Variants in MAPKAP1 observed in about 807,000 individuals in gnomAD.
MAPKAP1 encodes the protein target of rapamycin complex 2 subunit MAPKAP1.
A neutral mutation model predicts 65.7 loss-of-function variants in MAPKAP1; 20 were observed. The observed-to-expected ratio is 0.30, with a 90% CI of 0.21 to 0.44. The LOEUF is 0.44. Ranked by LOEUF, MAPKAP1 falls within the 20% of genes least tolerant of loss-of-function variation. MAPKAP1 has a pLI of 1.00. For synonymous variants in MAPKAP1, 222 were observed against 244.3 expected, an observed-to-expected ratio of 0.91 and a Z score of 0.85; for missense variants, 423 against 648.0, an observed-to-expected ratio of 0.65 and a Z score of 3.77.
intron 9 of MAPKAP1, among the ~76,000 whole-genome samples, chr9:125,481,749 C>T (rs1183905987): frequency 6.6e-6 from 1 of 151,996 alleles, no homozygotes; most frequent in Non-Finnish European, 1.5e-5. Context: ...AAAAGTAGGC[C>T]CATTCAGAAA....
At chr9:125,678,924 G>A (rs1199991713) in intron 1 of MAPKAP1, among the ~76,000 whole-genome samples, 1 of 151,922 alleles carries the variant, frequency 6.6e-6, no homozygotes, top group East Asian at 1.9e-4. Flanking sequence ...TCAAATTCAA[G>A]AGCTTGGGAT....
At chr9:125,477,003 A>G (rs1046319798) in intron 9 of MAPKAP1, among the ~76,000 whole-genome samples, 6 of 152,188 alleles carry the variant, frequency 3.9e-5, no homozygotes, top group African/African-American at 1.4e-4. Context: ...TCTCTAGGAC[A>G]TGTGGTATTG....
chr9:125,511,457 G>T (rs1222828748), intron 7 of MAPKAP1, among the ~76,000 whole-genome samples: 1 of 152,150 alleles, frequency 6.6e-6, no homozygotes, highest in African/African-American at 2.4e-5. Flanking sequence ...ACCTAGGACT[G>T]CCCAGGCCTG....
intron 10 of MAPKAP1, among the ~76,000 whole-genome samples, chr9:125,452,196 T>C (rs912560164): frequency 6.6e-6 from 1 of 151,848 alleles, no homozygotes; most frequent in Non-Finnish European, 1.5e-5. Context: ...TCTCCTGAGT[T>C]TGAGTGATCC....
At chr9:125,588,072 C>G (rs1464720714) in intron 4 of MAPKAP1, among the ~76,000 whole-genome samples, 1 of 152,168 alleles carries the variant, frequency 6.6e-6, no homozygotes, top group Non-Finnish European at 1.5e-5. Flanking sequence ...TAGGTATATA[C>G]TCTAGAGAAC....
chr9:125,499,044 A>C (rs1186668113), intron 8 of MAPKAP1, among the ~76,000 whole-genome samples: 1 of 152,206 alleles, frequency 6.6e-6, no homozygotes, highest in Non-Finnish European at 1.5e-5. Context: ...GAGCTTACTG[A>C]ATCCTATCAA....
At position 125,515,375 on chromosome 9, in the gene MAPKAP1, A is replaced by G. The variant is rs150896373; in HGVS notation, c.959-8958T>C. Reference sequence around the variant, plus strand: ...TAGAAAAAGGCCCATTCCAACTTTTATCTTTGCTACAAAGTGCTGTTATCT... The same window carrying G: ...TAGAAAAAGGCCCATTCCAACTTTTGTCTTTGCTACAAAGTGCTGTTATCT... On this transcript the variant is annotated intron_variant, in intron 7 of 11. Coordinates refer to ENST00000265960, the MANE Select transcript of MAPKAP1 (RefSeq NM_001006617.3). Among the ~76,000 whole-genome samples the G allele has an allele frequency of 3.5e-3, 527 of 152,306 alleles. 2 individuals carry two copies. Among genetic ancestry groups the G allele is most frequent in the African/African-American group, 0.012 (504 of 41,582 alleles).
In MAPKAP1 at chr9:125,698,311, ATAT is replaced by A. The variant is rs1422751336; in HGVS notation, c.-70+8657_-70+8659del. 4.1e-3 allele frequency among the ~76,000 whole-genome samples: 217 copies of A among 52,456 alleles called. 5 individuals carry two copies. The highest frequency in any genetic ancestry group is 6.9e-3 in the South Asian group (11 of 1,584). 34.4% of individuals were successfully genotyped at this position (52,456 alleles called of 152,430 possible). ...TAAATATATATATATATATATATAT[ATAT>A]ATATATATATATATATATATATAAA... On this transcript the variant is annotated intron_variant, in intron 1 of 11. Transcript: ENST00000265960.
At chr9:125,523,617 A>C (rs551034825) in intron 7 of MAPKAP1, among the ~76,000 whole-genome samples, 1 of 152,352 alleles carries the variant, frequency 6.6e-6, no homozygotes, top group Admixed American at 6.5e-5. Flanking sequence ...AGCTGTTACG[A>C]TGCTAGAGAA....
At chr9:125,641,588 G>A (rs954580445) in intron 4 of MAPKAP1, among the ~76,000 whole-genome samples, 1 of 151,978 alleles carries the variant, frequency 6.6e-6, no homozygotes, top group Non-Finnish European at 1.5e-5. Context: ...TCATGTTAGG[G>A]AGAAAAAAAA....
chr9:125,499,424 A>G (rs1441449057), intron 8 of MAPKAP1, among the ~76,000 whole-genome samples: 2 of 152,204 alleles, frequency 1.3e-5, no homozygotes, highest in African/African-American at 4.8e-5. Flanking sequence ...ATTTACTTCC[A>G]TTTTACAAAG....
chr9:125,589,386 C>T (rs952039147), intron 4 of MAPKAP1, among the ~76,000 whole-genome samples: 7 of 152,216 alleles, frequency 4.6e-5, no homozygotes, highest in African/African-American at 1.7e-4. Context: ...CTGTTCCATA[C>T]ATAATGCCTG....
chr9:125,672,296 G>C lies in MAPKAP1; in HGVS notation c.259+20C>G, dbSNP rs1834519779. 6.2e-7 allele frequency: 1 copy of C among 1,612,610 alleles called. No homozygotes were observed. On this transcript the variant is annotated intron_variant, in intron 2 of 11. Transcript: ENST00000265960. Reference sequence around the variant, plus strand: ...TACTGATTTAAAGCTCAGAAGACATGACTAGAACACAATGTTTACCTGTGT... The same window carrying C: ...TACTGATTTAAAGCTCAGAAGACATCACTAGAACACAATGTTTACCTGTGT...
chr9:125,683,691 A>G (rs943266774), intron 1 of MAPKAP1, among the ~76,000 whole-genome samples: 12 of 152,248 alleles, frequency 7.9e-5, no homozygotes, highest in Non-Finnish European at 1.5e-4. Context: ...GAGCATGAAC[A>G]CAAAACTCAG....
intron 9 of MAPKAP1, among the ~76,000 whole-genome samples, chr9:125,477,746 G>A (rs371469323): frequency 5.3e-5 from 8 of 152,216 alleles, no homozygotes; most frequent in Non-Finnish European, 7.4e-5. Flanking sequence ...CGCTTGACCC[G>A]TTCTGTTTCA....
At chr9:125,574,389 A>T (rs764588002) in intron 5 of MAPKAP1, among the ~76,000 whole-genome samples, 1 of 152,230 alleles carries the variant, frequency 6.6e-6, no homozygotes, top group Non-Finnish European at 1.5e-5. Flanking sequence ...ATGCCTTAGG[A>T]TATATGGGAG....
At chr9:125,508,536 G>C (rs1414632927) in intron 7 of MAPKAP1, among the ~76,000 whole-genome samples, 1 of 152,174 alleles carries the variant, frequency 6.6e-6, no homozygotes, top group Non-Finnish European at 1.5e-5. Flanking sequence ...TGAAATCTGG[G>C]TATAAAGTTT....
chr9:125,525,843 A>C (rs1829749980), intron 7 of MAPKAP1, among the ~76,000 whole-genome samples: 1 of 152,184 alleles, frequency 6.6e-6, no homozygotes, highest in Non-Finnish European at 1.5e-5. Flanking sequence ...ATTTTATTGA[A>C]GAGGAGACTA....
At chr9:125,456,292 A>G (rs2132955518) in intron 10 of MAPKAP1, among the ~76,000 whole-genome samples, 1 of 152,322 alleles carries the variant, frequency 6.6e-6, no homozygotes. Flanking sequence ...TTGAAATCAA[A>G]TCTGGAATAG....
Sources: allele counts gnomAD v4.1 joint callset (sites outside exome capture counted in the v4.1 genomes callset), GRCh38; gene constraint gnomAD v4.1.1; transcripts MANE v1.5; gene names NCBI Gene and HGNC (gene_info 2026-07-23, HGNC 2026-07-21).